The following MRPS27 variants were observed in gnomAD, a reference collection of about 807,000 sequenced individuals.
MRPS27 encodes the protein mitochondrial ribosomal protein S27.
MRPS27 carries 43 observed loss-of-function variants against 48.9 expected under a neutral mutation model. That is an observed-to-expected ratio of 0.88 (90% CI 0.69 to 1.13). MRPS27 has a LOEUF of 1.13. MRPS27 is among the 50% of genes most tolerant of loss of function. MRPS27 has a pLI of 0.00. For missense variants in MRPS27, 467 were observed against 476.3 expected (o/e 0.98, Z 0.18); for synonymous variants, 188 against 171.9 (o/e 1.09, Z -0.73).
chr5:72,304,735 T>C (rs374971503), intron 2 of MRPS27, among the ~76,000 whole-genome samples: 3 of 152,156 alleles, frequency 2.0e-5, no homozygotes, highest in East Asian at 1.9e-4. Context: ...TGGGGCAAAG[T>C]TGTGATAATG....
intron 4 of MRPS27, among the ~76,000 whole-genome samples, chr5:72,268,923 G>T (rs541829908): frequency 1.3e-5 from 2 of 152,268 alleles, no homozygotes; most frequent in South Asian, 2.1e-4. Flanking sequence ...AAGGCAGGGG[G>T]TTAGTGTAAA....
At chr5:72,252,318 T>C (rs934854679) in intron 4 of MRPS27, among the ~76,000 whole-genome samples, 5 of 142,228 alleles carry the variant, frequency 3.5e-5, no homozygotes, top group African/African-American at 1.3e-4. Context: ...TGTAGCATAC[T>C]AAAGAACTTG....
chr5:72,232,741 C>A (rs1056376219), intron 6 of MRPS27, among the ~76,000 whole-genome samples, 183 bp from the exon 7 acceptor site: 5 of 152,162 alleles, frequency 3.3e-5, no homozygotes, highest in Non-Finnish European at 5.9e-5. Context: ...TTTTCCTCAG[C>A]CTTTAGCTTC....
At chr5:72,312,562 A>G (rs1362220497) in intron 2 of MRPS27, among the ~76,000 whole-genome samples, 2 of 151,130 alleles carry the variant, frequency 1.3e-5, no homozygotes, top group Admixed American at 6.6e-5. Context: ...TGAAATACAT[A>G]TTGTTTAAGT....
intron 4 of MRPS27, among the ~76,000 whole-genome samples, chr5:72,239,629 C>A (rs1748298425): frequency 6.6e-6 from 1 of 152,116 alleles, no homozygotes; most frequent in Admixed American, 6.6e-5. Flanking sequence ...AGAAATGAAA[C>A]AAAATATACC....
chr5:72,287,244 A>G (rs976768498), intron 4 of MRPS27, among the ~76,000 whole-genome samples: 16 of 152,182 alleles, frequency 1.1e-4, no homozygotes, highest in Non-Finnish European at 4.4e-5. Flanking sequence ...GTCTTCCACA[A>G]AACCAGTCCC....
intron 4 of MRPS27, among the ~76,000 whole-genome samples, chr5:72,288,402 G>A (rs62364779): frequency 0.23 from 35,210 of 151,978 alleles, 5,229 homozygotes; most frequent in Non-Finnish European, 0.33. Context: ...TAGCAAAGAC[G>A]GGGTTTCACT....
At chr5:72,276,002 G>GAAAAAAGT (rs1249168460) in intron 4 of MRPS27, among the ~76,000 whole-genome samples, 1 of 150,506 alleles carries the variant, frequency 6.6e-6, no homozygotes, top group Non-Finnish European at 1.5e-5. Flanking sequence ...AGGAAAAAAG[G>GAAAAAAGT]AGAAAAAAGG....
chr5:72,295,784 T>C (rs1363041925), intron 3 of MRPS27, among the ~76,000 whole-genome samples, 195 bp from the exon 4 acceptor site: 9 of 152,322 alleles, frequency 5.9e-5, no homozygotes, highest in Middle Eastern at 3.4e-3. Context: ...AAACAAAGAA[T>C]ATACAATGGC....
intron 7 of MRPS27, among the ~76,000 whole-genome samples, chr5:72,230,096 T>C (rs1343134412): frequency 1.3e-5 from 2 of 152,158 alleles, no homozygotes; most frequent in Non-Finnish European, 2.9e-5. Flanking sequence ...GGTCTTGCTA[T>C]GTTGCCTAGC....
intron 4 of MRPS27, among the ~76,000 whole-genome samples, chr5:72,243,946 T>A (rs2111971295): frequency 6.6e-6 from 1 of 152,310 alleles, no homozygotes; most frequent in Middle Eastern, 3.4e-3. Context: ...GGTTTGCTGG[T>A]CAATTTAAGC....
intron 4 of MRPS27, 148 bp from the exon 5 acceptor site, chr5:72,238,276 G>A: frequency 1.7e-6 from 1 of 594,120 alleles, no homozygotes; most frequent in East Asian, 2.8e-5. Context: ...ACTTGAGAAT[G>A]AAACTTATTA....
intron 4 of MRPS27, among the ~76,000 whole-genome samples, chr5:72,281,248 T>C (rs1392458471): frequency 6.6e-6 from 1 of 152,222 alleles, no homozygotes; most frequent in African/African-American, 2.4e-5. Flanking sequence ...GTCCCAAGAC[T>C]GTTCTAAGGG....
intron 3 of MRPS27, among the ~76,000 whole-genome samples, chr5:72,297,382 G>T (rs541228808): frequency 2.0e-5 from 3 of 152,094 alleles, no homozygotes; most frequent in Non-Finnish European, 4.4e-5. Flanking sequence ...TCATATCCTG[G>T]AAAAAATAAA....
At chr5:72,249,781 A>C (rs1040107399) in intron 4 of MRPS27, among the ~76,000 whole-genome samples, 2 of 152,050 alleles carry the variant, frequency 1.3e-5, no homozygotes, top group South Asian at 4.1e-4. Context: ...GGAGACAGAG[A>C]CCATCCTGGC....
At chr5:72,281,135 A>G (rs1435065567) in intron 4 of MRPS27, among the ~76,000 whole-genome samples, 4 of 152,198 alleles carry the variant, frequency 2.6e-5, no homozygotes, top group African/African-American at 9.6e-5. Context: ...ACATTTTCCC[A>G]TAAGAGAGAA....
chr5:72,231,468 A>G (rs967536271), intron 7 of MRPS27, among the ~76,000 whole-genome samples: 3 of 152,128 alleles, frequency 2.0e-5, no homozygotes, highest in African/African-American at 7.2e-5. Context: ...TCATAGTTTT[A>G]TATCTCTGTG....
At chr5:72,261,017 C>T (rs1391693472) in intron 4 of MRPS27, among the ~76,000 whole-genome samples, 1 of 151,796 alleles carries the variant, frequency 6.6e-6, no homozygotes, top group East Asian at 2.0e-4. Context: ...GCGTGTGTCA[C>T]CATGCCAGAC....
At chr5:72,311,703 T>G (rs1019565745) in intron 2 of MRPS27, among the ~76,000 whole-genome samples, 1 of 152,254 alleles carries the variant, frequency 6.6e-6, no homozygotes, top group African/African-American at 2.4e-5. Context: ...CCCTCAACGC[T>G]GGCCTTCTCA....
Sources: gnomAD v4.1 joint callset for allele counts (sites outside exome capture counted in the v4.1 genomes callset) on GRCh38, gnomAD v4.1.1 for gene constraint, MANE v1.5 for transcripts, NCBI Gene and HGNC (gene_info 2026-07-23, HGNC 2026-07-21) for gene names.